The following SPATA21 variants were observed in gnomAD, a reference collection of about 807,000 sequenced individuals.
The protein encoded by SPATA21 is spermatogenesis associated 21.
A neutral mutation model predicts 54.8 loss-of-function variants in SPATA21; 47 were observed. That is an observed-to-expected ratio of 0.86 (90% CI 0.68 to 1.09). The LOEUF is 1.09. Ranked by LOEUF, SPATA21 falls within the 50% of genes least tolerant of loss-of-function variation. SPATA21 has a pLI of 0.00. For synonymous variants in SPATA21, 245 were observed against 235.3 expected, an observed-to-expected ratio of 1.04 and a Z score of -0.38; for missense variants, 599 against 596.4, an observed-to-expected ratio of 1.00 and a Z score of -0.05.
chr1:16,406,789 A>G (rs1412991535), intron 7 of SPATA21, among the ~76,000 whole-genome samples: 1 of 152,206 alleles, frequency 6.6e-6, no homozygotes, highest in African/African-American at 2.4e-5. Context: ...ACACAGAGAT[A>G]CCAGGGTTGC....
chr1:16,403,929 T>TC (rs772963379), intron 9 of SPATA21, 39 bp downstream of exon 9: 9 of 1,611,642 alleles, frequency 5.6e-6, no homozygotes, highest in Admixed American at 3.4e-5. Context: ...TCCCAGCCCC[T>TC]CCTCCAGTTC....
chr1:16,422,075 A>G (rs1467930128), intron 3 of SPATA21, 104 bp from the exon 4 acceptor site: 2 of 1,595,998 alleles, frequency 1.3e-6, no homozygotes, highest in Non-Finnish European at 1.7e-6. Flanking sequence ...TGTGTGGGAC[A>G]CCTGCCTCCT....
chr1:16,400,687 C>T (rs201776855), intron 11 of SPATA21, 33 bp downstream of exon 11: 1 of 1,591,466 alleles, frequency 6.3e-7, no homozygotes, highest in Admixed American at 1.7e-5. Context: ...AAGCCCCAAC[C>T]CTAGCCCATC....
Position 16,409,468 on chromosome 1 carries a change from C to T in SPATA21, c.587+133G>A. On this transcript the variant is annotated intron_variant, in intron 6 of 12. Transcript: ENST00000335496. This position sits in a 1 kb window ranked among gnomAD's most constrained non-coding sequence, Gnocchi z 4.1. ...AGACATGGGAGATGCGGAGAGGAGA[C>T]ACATGAGGAGAAATGGAGAGAGGGG... The T allele has an allele frequency of 1.0e-6, 1 of 993,090 alleles. No individual in the cohort carries two copies. Among genetic ancestry groups the T allele is most frequent in the East Asian group, 2.6e-5 (1 of 38,358 alleles). The allele number at this position is 993,090 out of a possible 1,614,324, so 61.5% of individuals were successfully genotyped here. A position where few individuals can be genotyped will look rare whatever the true frequency, so the allele number is the denominator to read the frequency against.
At chr1:16,401,778 C>G (rs1387392595) in intron 10 of SPATA21, among the ~76,000 whole-genome samples, 1 of 152,200 alleles carries the variant, frequency 6.6e-6, no homozygotes, top group Non-Finnish European at 1.5e-5. Flanking sequence ...CCCCTGCAAC[C>G]TGTAGTTACC....
intron 8 of SPATA21, 83 bp downstream of exon 8, chr1:16,404,884 C>T: frequency 2.1e-6 from 3 of 1,412,868 alleles, no homozygotes; most frequent in Non-Finnish European, 2.8e-6. Flanking sequence ...CCTTTAGGTG[C>T]AGAGCCTCAT....
chr1:16,403,666 A>C, intron 10 of SPATA21, 61 bp downstream of exon 10: 1 of 1,475,328 alleles, frequency 6.8e-7, no homozygotes, highest in South Asian at 1.1e-5. Flanking sequence ...CTCAGTGCCA[A>C]AATGCTAGAT....
intron 5 of SPATA21, among the ~76,000 whole-genome samples, chr1:16,410,612 C>T (rs375111410): frequency 1.3e-5 from 2 of 152,254 alleles, no homozygotes; most frequent in East Asian, 1.9e-4. Flanking sequence ...GGTTTTGCCA[C>T]GTTGGCCAGG....
chr1:16,405,161 C>T (rs1307063964), intron 7 of SPATA21, 57 bp from the exon 8 acceptor site: 4 of 1,560,522 alleles, frequency 2.6e-6, no homozygotes, highest in South Asian at 1.2e-5. Context: ...TGTCATTCAT[C>T]CCATTACCCC....
chr1:16,410,116 C>T (rs1188404424), intron 5 of SPATA21, 73 bp from the exon 6 acceptor site: 3 of 1,269,482 alleles, frequency 2.4e-6, no homozygotes, highest in Non-Finnish European at 3.3e-6. Flanking sequence ...CCCTGCCATC[C>T]CCTCTCCAGA....
rs375651866 is a variant in SPATA21 at position 16,434,844 on chromosome 1, ATC to A, written c.-186-1922_-186-1921del. On this transcript the variant is annotated intron_variant, in intron 1 of 12. Transcript: ENST00000335496. ...TGCATCCTCTCCAACACTTGTTATT[ATC>A]TGTCTTATTTATTTATTTATTTATT... Among the ~76,000 whole-genome samples the A allele has an allele frequency of 6.1e-3, 922 of 151,768 alleles. 9 individuals are homozygous for A. Among genetic ancestry groups the A allele is most frequent in the African/African-American group, 0.021 (872 of 41,508 alleles).
chr1:16,431,424 T>G lies in SPATA21; in HGVS notation c.-51-2A>C, dbSNP rs2086455324. ...TGAGGGGCATCACCTAGTGTGCTCC[T>G]ACAGGAGAAATCCAATCAAGCGTCC... On this transcript the variant is annotated splice_acceptor_variant, in intron 2 of 12. Transcript: ENST00000335496. LOFTEE classifies it low-confidence loss of function (5UTR_SPLICE). The G allele has an allele frequency of 6.2e-7, 1 of 1,609,076 alleles. No individual in the cohort carries two copies. The highest frequency in any genetic ancestry group is 2.2e-5 in the East Asian group (1 of 44,824).
rs1457991940 is a variant in SPATA21, at chr1:16,428,202, G to C, written c.34+3136C>G. On this transcript the variant is annotated intron_variant, in intron 3 of 12. Coordinates refer to ENST00000335496, the MANE Select transcript of SPATA21 (RefSeq NM_198546.1). The surrounding 1 kb of genome is among the most constrained non-coding windows in gnomAD (Gnocchi z 4.3). ...AGGCAGGGATGCAGGGCCCGGCCCT[G>C]CTGTTGCTGTTGCTTAGCACGTAAG... 6.6e-6 allele frequency among the ~76,000 whole-genome samples: 1 copy of C among 152,176 alleles called. No homozygotes were observed. The highest frequency in any genetic ancestry group is 2.4e-5 in the African/African-American group (1 of 41,466).
chr1:16,420,201 G>A (rs1480034420), intron 5 of SPATA21, among the ~76,000 whole-genome samples: 9 of 152,070 alleles, frequency 5.9e-5, no homozygotes, highest in South Asian at 4.1e-4. Context: ...CTGCTGTTGC[G>A]AGGTGGGCTC....
At chr1:16,419,115 G>C (rs141729749) in intron 5 of SPATA21, among the ~76,000 whole-genome samples, 1 of 152,336 alleles carries the variant, frequency 6.6e-6, no homozygotes, top group African/African-American at 2.4e-5. Flanking sequence ...GCTGAGTGTG[G>C]CTGACAGGCT....
In SPATA21 at chr1:16,429,890, C is replaced by T. The variant is rs576955389; in HGVS notation, c.34+1448G>A. The stretch of plus-strand genomic sequence containing the variant: ...CACATTCAAAAAGAGGCCAGTGGGG[C>T]GCAGTGGCTCACGCCTGTAATCCTA... On this transcript the variant is annotated intron_variant, in intron 3 of 12. Coordinates refer to ENST00000335496, the MANE Select transcript of SPATA21 (RefSeq NM_198546.1). Among the ~76,000 whole-genome samples the T allele has an allele frequency of 6.8e-4, 103 of 150,948 alleles. 1 individual carries two copies. Among genetic ancestry groups the T allele is most frequent in the Admixed American group, 3.6e-3 (55 of 15,162 alleles).
At chr1:16,432,416 C>G (rs1050429546) in intron 2 of SPATA21, among the ~76,000 whole-genome samples, 2 of 152,106 alleles carry the variant, frequency 1.3e-5, no homozygotes, top group Non-Finnish European at 2.9e-5. Context: ...GCCACTGCAC[C>G]TGGCCATTTC....
chr1:16,399,607 T>G (rs1013306882), intron 11 of SPATA21, 86 bp from the exon 12 acceptor site: 5 of 1,440,914 alleles, frequency 3.5e-6, no homozygotes, highest in East Asian at 4.8e-5. Context: ...ATCCTGGCGT[T>G]GCTACATAAT....
chr1:16,411,789 C>CAAAAA (rs1170429146), intron 5 of SPATA21, among the ~76,000 whole-genome samples: 6 of 35,044 alleles, frequency 1.7e-4, no homozygotes, highest in African/African-American at 3.2e-4. Context: ...GACTCTGTCT[C>CAAAAA]AAAAAAAAAA....
Sources: allele counts gnomAD v4.1 joint callset (sites outside exome capture counted in the v4.1 genomes callset), GRCh38; gene constraint gnomAD v4.1.1; non-coding constraint Gnocchi (gnomAD v3.1); transcripts MANE v1.5; gene names NCBI Gene and HGNC (gene_info 2026-07-23, HGNC 2026-07-21).